The following DGKI variants were observed in gnomAD, a reference collection of about 807,000 sequenced individuals.
DGKI encodes the protein DAG kinase iota.
A neutral mutation model predicts 147.5 loss-of-function variants in DGKI; 55 were observed. The ratio of observed to expected loss-of-function variants is 0.37; its 90% CI spans 0.30 to 0.47. DGKI has a LOEUF of 0.47. Among genes scored for constraint, DGKI ranks in the 20% least tolerant of loss-of-function variants. The pLI is 1.00. For synonymous variants in DGKI, 469 were observed against 477.1 expected (o/e 0.98, Z 0.22); for missense variants, 1,007 against 1,323.8 (o/e 0.76, Z 3.71).
intron 24 of DGKI, among the ~76,000 whole-genome samples, chr7:137,468,078 C>T (rs1028597354): frequency 6.6e-6 from 1 of 151,394 alleles, no homozygotes; most frequent in African/African-American, 2.4e-5. Context: ...AATAGATTTT[C>T]TACAAAACAA....
chr7:137,609,044 A>G lies in DGKI; in HGVS notation c.1089T>C (p.Pro363=). 1 of 1,613,620 alleles carries G rather than the reference A, an allele frequency of 6.2e-7. No individual in the cohort carries two copies. Among genetic ancestry groups the G allele is most frequent in the Non-Finnish European group, 8.5e-7 (1 of 1,179,610 alleles). ...RGMEQENKGR[P]FVIKPISSPL... is the part of the protein sequence containing the mutation. ...GAGAAGAGATGGGTTTTATCACAAA[A>G]GGACGACCTTTGTTTTCCTGCTGAA... Residue 363 remains proline (P), a synonymous_variant, in exon 10 of 33, where the codon CCT becomes CCC. Coordinates refer to ENST00000614521, the MANE Select transcript of DGKI (RefSeq NM_001321708.2).
intron 20 of DGKI, among the ~76,000 whole-genome samples, chr7:137,526,012 C>T (rs1400723536): frequency 2.6e-5 from 4 of 151,542 alleles, no homozygotes; most frequent in Non-Finnish European, 5.9e-5. Context: ...ATGGGGGAGT[C>T]GGGGGAAGTG....
intron 27 of DGKI, among the ~76,000 whole-genome samples, chr7:137,456,855 C>T (rs906280247): frequency 6.6e-6 from 1 of 152,204 alleles, no homozygotes; most frequent in Admixed American, 6.5e-5. Flanking sequence ...TGTTCTAACT[C>T]TTCCACTAAC....
At chr7:137,587,239 T>C (rs754058115) in intron 12 of DGKI, 29 bp from the exon 13 acceptor site, 3 of 1,533,850 alleles carry the variant, frequency 2.0e-6, no homozygotes, top group Middle Eastern at 1.7e-4. Flanking sequence ...CCAGAAGAGA[T>C]ATAAGAAAGA....
chr7:137,432,447 C>T (rs1274223032), intron 28 of DGKI, among the ~76,000 whole-genome samples: 2 of 152,158 alleles, frequency 1.3e-5, no homozygotes, highest in Admixed American at 6.5e-5. Context: ...TTGATGGTTG[C>T]TCTCACTCTC....
chr7:137,523,002 A>G (rs1436079815), intron 20 of DGKI, among the ~76,000 whole-genome samples: 17 of 152,066 alleles, frequency 1.1e-4, no homozygotes, highest in Admixed American at 1.1e-3. Flanking sequence ...GAATGGCATT[A>G]TTCTTTAATT....
intron 20 of DGKI, among the ~76,000 whole-genome samples, chr7:137,530,177 T>C (rs973928001): frequency 6.6e-6 from 1 of 152,196 alleles, no homozygotes; most frequent in Non-Finnish European, 1.5e-5. Flanking sequence ...CTCTTTTTCC[T>C]TTATCCATGC....
chr7:137,462,953 C>T (rs779143985), intron 27 of DGKI, among the ~76,000 whole-genome samples: 5 of 151,818 alleles, frequency 3.3e-5, no homozygotes, highest in Non-Finnish European at 7.4e-5. Flanking sequence ...TTCTGATCTA[C>T]AAACAAATGC....
chr7:137,493,806 C>T (rs1341131127), intron 21 of DGKI: 2 of 701,872 alleles, frequency 2.8e-6, no homozygotes, highest in South Asian at 1.5e-5. Context: ...CACTAGTTCC[C>T]CAGCAATGGT....
intron 21 of DGKI, among the ~76,000 whole-genome samples, chr7:137,520,896 C>T (rs1288972907): frequency 1.3e-5 from 2 of 152,064 alleles, no homozygotes; most frequent in Non-Finnish European, 2.9e-5. Flanking sequence ...ACTATTAATC[C>T]TGCCAGTTCT....
At position 137,828,049 on chromosome 7, in the gene DGKI, C is replaced by T. The variant is rs558399144; in HGVS notation, c.401+18413G>A. Among the ~76,000 whole-genome samples, 218 of 152,308 alleles carry T rather than the reference C, an allele frequency of 1.4e-3. 1 individual carries two copies. Among genetic ancestry groups the T allele is most frequent in the African/African-American group, 5.0e-3 (208 of 41,570 alleles). ...TCTCTCAGGGCTCCCCTATCCTGCCCGCTGACCGCCCGCTCTCTTTGTATT... is the reference window on the plus strand; with the variant it reads ...TCTCTCAGGGCTCCCCTATCCTGCCTGCTGACCGCCCGCTCTCTTTGTATT... On this transcript the variant is annotated intron_variant, in intron 1 of 32. Coordinates refer to ENST00000614521, the MANE Select transcript of DGKI (RefSeq NM_001321708.2).
chr7:137,769,202 C>T (rs576661575), intron 1 of DGKI, among the ~76,000 whole-genome samples: 42 of 152,266 alleles, frequency 2.8e-4, no homozygotes, highest in African/African-American at 9.1e-4. Context: ...GAAGCCGAGA[C>T]GTGTTAGACC....
At chr7:137,603,374 T>C (rs1820061778) in intron 10 of DGKI, among the ~76,000 whole-genome samples, 1 of 152,188 alleles carries the variant, frequency 6.6e-6, no homozygotes, top group South Asian at 2.1e-4. Context: ...ATCTAGATTA[T>C]AGAAAGAACA....
chr7:137,436,170 T>C (rs1813275810), intron 28 of DGKI, among the ~76,000 whole-genome samples: 1 of 152,170 alleles, frequency 6.6e-6, no homozygotes, highest in African/African-American at 2.4e-5. Flanking sequence ...ATAGCTACCT[T>C]TTGAGAACTC....
intron 1 of DGKI, among the ~76,000 whole-genome samples, chr7:137,786,781 A>G (rs1179424946): frequency 6.6e-6 from 1 of 152,186 alleles, no homozygotes; most frequent in Admixed American, 6.5e-5. Flanking sequence ...ATCAGCACAT[A>G]GACCAGTGGA....
At chr7:137,447,335 G>A (rs899239316) in intron 27 of DGKI, among the ~76,000 whole-genome samples, 8 of 152,004 alleles carry the variant, frequency 5.3e-5, no homozygotes, top group African/African-American at 1.9e-4. Context: ...TCATAATCTA[G>A]TGAAAAAGAA....
At chr7:137,753,559 A>G (rs1204258446) in intron 1 of DGKI, among the ~76,000 whole-genome samples, 1 of 152,208 alleles carries the variant, frequency 6.6e-6, no homozygotes. Context: ...AGGGGAGTTG[A>G]GCAAACTTAG....
chr7:137,595,322 T>C (rs1158975097), intron 12 of DGKI, among the ~76,000 whole-genome samples: 2 of 152,216 alleles, frequency 1.3e-5, no homozygotes, highest in Non-Finnish European at 2.9e-5. Context: ...ATTAAGATTG[T>C]ACCAACTTTC....
In DGKI at chr7:137,587,113, G is replaced by C; in HGVS notation, c.1409C>G (p.Thr470Ser). 4 of 1,608,284 alleles carry C rather than the reference G, an allele frequency of 2.5e-6. No homozygotes were observed. The highest frequency in any genetic ancestry group is 3.4e-6 in the Non-Finnish European group (4 of 1,178,112). The change falls in exon 13 of 33, where the codon ACT (threonine) becomes AGT (serine). Residue 470 changes from threonine to serine, a missense_variant. Physicochemically the swap from Thr to Ser is moderately conservative, Grantham distance 58 (BLOSUM62 1). This residue lies in a region of DGKI where 224 missense variants were observed against 382.7 expected (regional missense o/e 0.59). Transcript: ENST00000614521. ...PLGTGNDLAR[T>S]LNWGGGYTDE... Reference sequence around the variant, plus strand: ...AGTTCTTACCCCTCCCCAGTTGAGAGTTCGAGCCAGGTCATTCCCAGTCCC... The same window carrying C: ...AGTTCTTACCCCTCCCCAGTTGAGACTTCGAGCCAGGTCATTCCCAGTCCC...
Sources: allele counts gnomAD v4.1 joint callset (sites outside exome capture counted in the v4.1 genomes callset), GRCh38; gene constraint gnomAD v4.1.1; regional missense constraint gnomAD v4.1.1; transcripts MANE v1.5; gene names NCBI Gene and HGNC (gene_info 2026-07-23, HGNC 2026-07-21).